KIRREL3: variants seen among roughly 807,000 people sequenced by gnomAD.
KIRREL3 encodes the protein kirre like nephrin family adhesion molecule 3, also known as kin of IRRE-like protein 3.
In KIRREL3, 36 loss-of-function variants were observed where a neutral mutation model predicts 89.7. That is an observed-to-expected ratio of 0.40 (90% CI 0.31 to 0.53). The LOEUF is 0.53. Among genes scored for constraint, KIRREL3 ranks in the 20% least tolerant of loss-of-function variants. The pLI is 0.49. For missense variants in KIRREL3, 864 were observed against 1,056.6 expected, an observed-to-expected ratio of 0.82 and a Z score of 2.53; for synonymous variants, 445 against 441.4, an observed-to-expected ratio of 1.01 and a Z score of -0.10.
chr11:126,571,271 A>C lies in KIRREL3; in HGVS notation c.56-8359T>G, dbSNP rs1343423519. Among the ~76,000 whole-genome samples the C allele has an allele frequency of 1.3e-5, 2 of 152,148 alleles. No homozygotes were observed. Among genetic ancestry groups the C allele is most frequent in the Non-Finnish European group, 2.9e-5 (2 of 68,020 alleles). ...GACACTGCCTGGGATCTTTCTCCCA[A>C]CTGATGAATTGCCTGGAATTCTGAC... On this transcript the variant is annotated intron_variant, in intron 1 of 16. Transcript: ENST00000525144. The surrounding 1 kb of genome is among the most constrained non-coding windows in gnomAD (Gnocchi z 7.7).
intron 1 of KIRREL3, among the ~76,000 whole-genome samples, chr11:126,600,661 T>C (rs1471173199): frequency 6.6e-6 from 1 of 152,078 alleles, no homozygotes; most frequent in African/African-American, 2.4e-5. Context: ...TCAGAAAAAA[T>C]GGAAGAAAGA....
chr11:126,450,975 G>GCA, intron 7 of KIRREL3, among the ~76,000 whole-genome samples: 1 of 151,056 alleles, frequency 6.6e-6, no homozygotes, highest in Admixed American at 6.6e-5. Context: ...GCATGCATGG[G>GCA]TGTGTGCATG....
intron 1 of KIRREL3, among the ~76,000 whole-genome samples, chr11:126,799,214 CTGTG>C (rs1228726004): frequency 1.3e-4 from 18 of 136,762 alleles, no homozygotes; most frequent in African/African-American, 3.0e-4. Flanking sequence ...ATGTGTGTAT[CTGTG>C]TGTGTATCTG....
rs1946499603 is a variant in KIRREL3, at chr11:126,682,436, G to T, written c.56-119524C>A. 6.6e-6 allele frequency among the ~76,000 whole-genome samples: 1 copy of T among 152,048 alleles called. No homozygotes were observed. Among genetic ancestry groups the T allele is most frequent in the Non-Finnish European group, 1.5e-5 (1 of 67,998 alleles). On this transcript the variant is annotated intron_variant, in intron 1 of 16. Transcript: ENST00000525144. The surrounding 1 kb of genome is among the most constrained non-coding windows in gnomAD (Gnocchi z 4.8). ...GAGATGAATCTGGTGATACTGAGTA[G>T]GTGTGCAATCAATATTTGTTTTTTC...
In KIRREL3 at chr11:126,477,994, G is replaced by A. The variant is rs1957113094; in HGVS notation, c.434-4528C>T. Among the ~76,000 whole-genome samples the A allele has an allele frequency of 6.6e-6, 1 of 152,222 alleles. No homozygotes were observed. Among genetic ancestry groups the A allele is most frequent in the South Asian group, 2.1e-4 (1 of 4,826 alleles). On this transcript the variant is annotated intron_variant, in intron 4 of 16. Transcript: ENST00000525144. The surrounding 1 kb of genome is among the most constrained non-coding windows in gnomAD (Gnocchi z 4.8). ...TCTATCACCAACACCAAACCCTCCA[G>A]GGGCTTCCCGCTGAAGGAGAGTAGG...
intron 1 of KIRREL3, among the ~76,000 whole-genome samples, chr11:126,838,688 AT>A (rs1943857477): frequency 6.6e-6 from 1 of 152,168 alleles, no homozygotes; most frequent in African/African-American, 2.4e-5. Context: ...TTTTCCTTTA[AT>A]TCTGAAATTA....
Position 126,463,359 on chromosome 11 carries a change from G to T in KIRREL3, c.592-52C>A. ...AAGCTCCATGTCGCTTGGCTGGGGT[G>T]GCCAGCCTGGGTTGGGGGTAAACGA... On this transcript the variant is annotated intron_variant, in intron 5 of 16. Coordinates refer to ENST00000525144, the MANE Select transcript of KIRREL3 (RefSeq NM_032531.4). The surrounding 1 kb of genome is among the most constrained non-coding windows in gnomAD (Gnocchi z 5.9). The T allele has an allele frequency of 3.8e-6, 6 of 1,566,830 alleles. No homozygotes were observed. Among genetic ancestry groups the T allele is most frequent in the Middle Eastern group, 3.5e-4 (2 of 5,746 alleles).
intron 1 of KIRREL3, among the ~76,000 whole-genome samples, chr11:126,680,952 GCT>G (rs1304310580): frequency 6.6e-6 from 1 of 152,170 alleles, no homozygotes; most frequent in African/African-American, 2.4e-5. Flanking sequence ...TTCCCCCACT[GCT>G]CTGTCTGTCA....
Position 126,764,432 on chromosome 11 carries a change from T to C in KIRREL3, c.56-201520A>G, listed in dbSNP as rs1265456545. Among the ~76,000 whole-genome samples, 1 of 152,140 alleles carries C rather than the reference T, an allele frequency of 6.6e-6. No homozygotes were observed. Among genetic ancestry groups the C allele is most frequent in the African/African-American group, 2.4e-5 (1 of 41,412 alleles). On this transcript the variant is annotated intron_variant, in intron 1 of 16. Coordinates refer to ENST00000525144, the MANE Select transcript of KIRREL3 (RefSeq NM_032531.4). The surrounding 1 kb of genome is among the most constrained non-coding windows in gnomAD (Gnocchi z 4.2). ...AGGTGGCAGTGTGGATTCAGGGCTG[T>C]GTGGTTCAAGATCAACTTCGCAGAG...
At chr11:126,517,202 G>A (rs1958444809) in intron 4 of KIRREL3, among the ~76,000 whole-genome samples, 1 of 149,352 alleles carries the variant, frequency 6.7e-6, no homozygotes, top group Non-Finnish European at 1.5e-5. Flanking sequence ...ACAATTCTAT[G>A]ACATTGGTAT....
Position 126,768,039 on chromosome 11 carries a change from C to G in KIRREL3, c.56-205127G>C, listed in dbSNP as rs1397946069. Among the ~76,000 whole-genome samples the G allele has an allele frequency of 6.6e-6, 1 of 152,218 alleles. No individual in the cohort carries two copies. The highest frequency in any genetic ancestry group is 6.5e-5 in the Admixed American group (1 of 15,286). Reference sequence around the variant, plus strand: ...TGTGTTCTGCTTCTGAAATGTCTCTCCATCCTCAAAATTTTATGATTCCTC... The same window carrying G: ...TGTGTTCTGCTTCTGAAATGTCTCTGCATCCTCAAAATTTTATGATTCCTC... On this transcript the variant is annotated intron_variant, in intron 1 of 16. Transcript: ENST00000525144. This position sits in a 1 kb window ranked among gnomAD's most constrained non-coding sequence, Gnocchi z 4.5.
intron 1 of KIRREL3, among the ~76,000 whole-genome samples, chr11:126,804,654 G>C (rs1951147597): frequency 6.6e-6 from 1 of 152,206 alleles, no homozygotes; most frequent in Non-Finnish European, 1.5e-5. Flanking sequence ...AGTGGAAAGA[G>C]AAAGGAGCTA....
chr11:126,714,063 G>C (rs1947863311), intron 1 of KIRREL3, among the ~76,000 whole-genome samples: 1 of 152,146 alleles, frequency 6.6e-6, no homozygotes, highest in African/African-American at 2.4e-5. Context: ...GCCAGGGCTG[G>C]GGAGGGGAAA....
Position 126,890,747 on chromosome 11 carries a change from A to G in KIRREL3, c.55+109708T>C, listed in dbSNP as rs1356122134. Among the ~76,000 whole-genome samples, 1 of 152,220 alleles carries G rather than the reference A, an allele frequency of 6.6e-6. No homozygotes were observed. Among genetic ancestry groups the G allele is most frequent in the Non-Finnish European group, 1.5e-5 (1 of 68,044 alleles). On this transcript the variant is annotated intron_variant, in intron 1 of 16. Transcript: ENST00000525144. This position sits in a 1 kb window ranked among gnomAD's most constrained non-coding sequence, Gnocchi z 5.1. ...ACTAGGGTGAGTGAGAGAGTAGACGACTGCAAACATGAGCGTCCCCCAGTC... is the reference window on the plus strand; with the variant it reads ...ACTAGGGTGAGTGAGAGAGTAGACGGCTGCAAACATGAGCGTCCCCCAGTC...
intron 1 of KIRREL3, among the ~76,000 whole-genome samples, chr11:126,593,428 C>A (rs1942242573): frequency 6.6e-6 from 1 of 152,230 alleles, no homozygotes; most frequent in Non-Finnish European, 1.5e-5. Context: ...ACTCCCTACC[C>A]ACTGTGGGGA....
Position 126,705,887 on chromosome 11 carries a change from GC to G in KIRREL3, c.56-142976del, listed in dbSNP as rs1377511425. 6.6e-6 allele frequency among the ~76,000 whole-genome samples: 1 copy of G among 152,146 alleles called. No homozygotes were observed. Among genetic ancestry groups the G allele is most frequent in the Non-Finnish European group, 1.5e-5 (1 of 68,016 alleles). On this transcript the variant is annotated intron_variant, in intron 1 of 16. Coordinates refer to ENST00000525144, the MANE Select transcript of KIRREL3 (RefSeq NM_032531.4). The surrounding 1 kb of genome is among the most constrained non-coding windows in gnomAD (Gnocchi z 4.3). ...TTCTGGGAAAAACTTTAAGAGATTT[GC>G]TGTTTCTGCTTGCAGTCACTTAGAA...
rs796339542 is a variant in KIRREL3 at position 126,542,147 on chromosome 11, G to A, written c.134-15460C>T. Among the ~76,000 whole-genome samples the A allele has an allele frequency of 7.2e-5, 11 of 152,226 alleles. No homozygotes were observed. The East Asian group carries it at 1.7e-3, about 24-fold the overall frequency. ...CGGTGTGAAAGCAGGCCCACCCGGC[G>A]TGCACTGAGTGACTCAGGCAGGCTG... On this transcript the variant is annotated intron_variant, in intron 2 of 16. Transcript: ENST00000525144.
chr11:126,936,577 T>C (rs1013025755), intron 1 of KIRREL3: 1 of 139,522 alleles, frequency 7.2e-6, no homozygotes, highest in African/African-American at 2.6e-5. Context: ...AAAAAGCAAA[T>C]GCATATTGAA....
At chr11:126,590,922 C>T (rs1024526667) in intron 1 of KIRREL3, among the ~76,000 whole-genome samples, 10 of 152,334 alleles carry the variant, frequency 6.6e-5, no homozygotes, top group African/African-American at 1.9e-4. Flanking sequence ...TGAGGATTTG[C>T]CTTATTAGAA....
Sources: allele counts gnomAD v4.1 joint callset (sites outside exome capture counted in the v4.1 genomes callset), GRCh38; gene constraint gnomAD v4.1.1; non-coding constraint Gnocchi (gnomAD v3.1); transcripts MANE v1.5; gene names NCBI Gene and HGNC (gene_info 2026-07-23, HGNC 2026-07-21).